MCHR2: variants seen among roughly 807,000 people sequenced by gnomAD.
MCHR2 encodes melanin-concentrating hormone receptor 2.
MCHR2 carries 15 observed loss-of-function variants against 24.8 expected under a neutral mutation model. The observed-to-expected ratio is 0.60, with a 90% CI of 0.40 to 0.93. The LOEUF is 0.93. MCHR2 is among the 40% of genes least tolerant of loss of function. The pLI is 0.00. For synonymous variants in MCHR2, 151 were observed against 147.6 expected, an observed-to-expected ratio of 1.02 and a Z score of -0.17; for missense variants, 386 against 408.7, an observed-to-expected ratio of 0.94 and a Z score of 0.48.
At chr6:99,951,371 C>T (rs1048102485) in intron 2 of MCHR2, among the ~76,000 whole-genome samples, 9 of 152,058 alleles carry the variant, frequency 5.9e-5, no homozygotes, top group South Asian at 2.1e-4. Flanking sequence ...GACAGACCTG[C>T]GTGATTAGAG....
chr6:99,960,493 T>C (rs1310909395), intron 1 of MCHR2, among the ~76,000 whole-genome samples: 4 of 152,130 alleles, frequency 2.6e-5, no homozygotes, highest in African/African-American at 7.2e-5. Flanking sequence ...TCAAAGTTCA[T>C]ATGGAACCAA....
At chr6:99,970,723 T>G (rs1290443414) in intron 1 of MCHR2, among the ~76,000 whole-genome samples, 1 of 152,234 alleles carries the variant, frequency 6.6e-6, no homozygotes, top group East Asian at 1.9e-4. Flanking sequence ...TGATCCATCT[T>G]GAATTAATTT....
In MCHR2 at chr6:99,956,152, C is replaced by T. The variant is rs368807632; in HGVS notation, c.-5G>A. The T allele has an allele frequency of 8.7e-6, 14 of 1,604,894 alleles. No individual in the cohort carries two copies. The African/African-American group carries it at 1.3e-4, about 15-fold the overall frequency. On this transcript the variant is annotated 5_prime_UTR_variant, in exon 2 of 6. Coordinates refer to ENST00000281806, the MANE Select transcript of MCHR2 (RefSeq NM_001040179.2). ...AGATGCATGAAATGGATTCATTGTT[C>T]GTGGACTTTCCAGGGATTAAAGCTG... is the stretch of plus-strand genomic sequence containing the variant.
At chr6:99,961,502 T>C (rs983575590) in intron 1 of MCHR2, among the ~76,000 whole-genome samples, 5 of 152,146 alleles carry the variant, frequency 3.3e-5, no homozygotes, top group Admixed American at 1.3e-4. Flanking sequence ...GTGGCACATA[T>C]ACACCATGGA....
chr6:99,931,347 A>G (rs559776420), intron 5 of MCHR2, among the ~76,000 whole-genome samples: 5 of 152,262 alleles, frequency 3.3e-5, no homozygotes, highest in Admixed American at 2.6e-4. Flanking sequence ...GTGTGCTGGG[A>G]GAACCACTGC....
intron 4 of MCHR2, among the ~76,000 whole-genome samples, chr6:99,939,488 C>G (rs1205462373): frequency 6.6e-6 from 1 of 151,970 alleles, no homozygotes; most frequent in Admixed American, 6.6e-5. Flanking sequence ...TACATTTTAA[C>G]TTTTAGTTGT....
intron 1 of MCHR2, among the ~76,000 whole-genome samples, chr6:99,977,718 G>A (rs560127389): frequency 7.9e-5 from 12 of 151,774 alleles, no homozygotes; most frequent in African/African-American, 2.7e-4. Flanking sequence ...TGGATAAGTC[G>A]GTTCCACTTA....
At position 99,926,001 on chromosome 6, in the gene MCHR2, C is replaced by G. The variant is rs888577725; in HGVS notation, c.708-4746G>C. Among the ~76,000 whole-genome samples, 17 of 151,936 alleles carry G rather than the reference C, an allele frequency of 1.1e-4. No individual in the cohort carries two copies. In the East Asian group the frequency reaches 3.3e-3, roughly 29 times the overall value. On this transcript the variant is annotated intron_variant, in intron 5 of 5. Coordinates refer to ENST00000281806, the MANE Select transcript of MCHR2 (RefSeq NM_001040179.2). ...CCTTCCCCCTGCCCCCACCCCACAA[C>G]AGTCCCCAGAGTGTGATGTTCCCCT...
chr6:99,983,259 C>T (rs1775706201), intron 1 of MCHR2, among the ~76,000 whole-genome samples: 1 of 152,192 alleles, frequency 6.6e-6, no homozygotes, highest in Admixed American at 6.5e-5. Flanking sequence ...GTGTGAACCA[C>T]CATGCCCAGC....
chr6:99,951,385 A>T (rs1199435125), intron 2 of MCHR2, among the ~76,000 whole-genome samples: 3 of 152,134 alleles, frequency 2.0e-5, no homozygotes, highest in Non-Finnish European at 4.4e-5. Context: ...ATTAGAGATG[A>T]CTGCTAAGGG....
intron 1 of MCHR2, among the ~76,000 whole-genome samples, chr6:99,973,238 T>G (rs1195677752): frequency 6.6e-6 from 1 of 151,892 alleles, no homozygotes; most frequent in Non-Finnish European, 1.5e-5. Flanking sequence ...TTTATGAATC[T>G]GGGTGCTCCT....
chr6:99,971,368 T>TATTTTTGTAC (rs1775415180), intron 1 of MCHR2, among the ~76,000 whole-genome samples: 2 of 151,654 alleles, frequency 1.3e-5, no homozygotes, highest in African/African-American at 2.4e-5. Flanking sequence ...GTTTGTCTGT[T>TATTTTTGTAC]ATTGGTGTAT....
chr6:99,934,822 AC>A (rs1774624414), intron 4 of MCHR2, among the ~76,000 whole-genome samples: 2 of 152,222 alleles, frequency 1.3e-5, no homozygotes, highest in Non-Finnish European at 2.9e-5. Flanking sequence ...ACAGTATGTA[AC>A]ATTTATTATA....
intron 5 of MCHR2, among the ~76,000 whole-genome samples, chr6:99,922,903 G>A (rs990496605): frequency 3.2e-5 from 4 of 123,332 alleles, no homozygotes; most frequent in Admixed American, 3.2e-4. Context: ...TAAATTTTAA[G>A]ATTTTTTTTT....
chr6:99,931,731 G>T (rs1774547337), intron 5 of MCHR2, among the ~76,000 whole-genome samples: 1 of 152,162 alleles, frequency 6.6e-6, no homozygotes, highest in Admixed American at 6.5e-5. Flanking sequence ...TTTTCCAGGT[G>T]CCGTCTGTCA....
intron 4 of MCHR2, among the ~76,000 whole-genome samples, chr6:99,936,388 G>T (rs1039662230): frequency 6.6e-6 from 1 of 150,984 alleles, no homozygotes; most frequent in Admixed American, 6.6e-5. Context: ...ATGGTGAGAG[G>T]TATGGGTCTA....
chr6:99,931,513 CTTTG>C (rs1340220726), intron 5 of MCHR2, among the ~76,000 whole-genome samples: 1 of 152,210 alleles, frequency 6.6e-6, no homozygotes, highest in Non-Finnish European at 1.5e-5. Flanking sequence ...TTCCAGGCTG[CTTTG>C]TTTACCTAAG....
chr6:99,947,867 C>A lies in MCHR2; in HGVS notation c.287G>T (p.Gly96Val). ...AGGCCCCCCAAACACCCACTCTCCC[C>A]CTCGGGCCCATTGGTGAATAAGAAA... ...MPFLIHQWAR[G>V]GEWVFGGPLC... Residue 96 changes from glycine to valine, a missense_variant, in exon 3 of 6, where the codon GGG (glycine) becomes GTG (valine). Physicochemically the swap from Gly to Val is moderately radical, Grantham distance 109. Transcript: ENST00000281806. The A allele has an allele frequency of 6.2e-7, 1 of 1,613,798 alleles. No individual in the cohort carries two copies. The highest frequency in any genetic ancestry group is 8.5e-7 in the Non-Finnish European group (1 of 1,179,812).
intron 5 of MCHR2, among the ~76,000 whole-genome samples, chr6:99,931,799 C>A (rs1722836100): frequency 6.6e-6 from 1 of 152,192 alleles, no homozygotes. Flanking sequence ...CCAAGTGAGG[C>A]AATGCCTTGC....
Sources: allele counts gnomAD v4.1 joint callset (sites outside exome capture counted in the v4.1 genomes callset), GRCh38; gene constraint gnomAD v4.1.1; transcripts MANE v1.5; gene names NCBI Gene and HGNC (gene_info 2026-07-23, HGNC 2026-07-21).